Variants in RPTOR observed in about 807,000 individuals in gnomAD.
RPTOR encodes regulatory-associated protein of mTOR.
A neutral mutation model predicts 169.9 loss-of-function variants in RPTOR; 21 were observed. The observed-to-expected ratio is 0.12, with a 90% CI of 0.09 to 0.18. The LOEUF is 0.18. Ranked by LOEUF, RPTOR falls within the 10% of genes least tolerant of loss-of-function variation. The pLI, the probability that RPTOR is intolerant of heterozygous loss-of-function variation, is 1.00. For missense variants in RPTOR, 1,133 were observed against 1,855.9 expected (o/e 0.61, Z 7.16); for synonymous variants, 732 against 753.2 (o/e 0.97, Z 0.46).
chr17:80,551,353 C>T lies in RPTOR; in HGVS notation c.162+5562C>T, dbSNP rs546744408. On this transcript the variant is annotated intron_variant, in intron 1 of 33. Transcript: ENST00000306801. ...CCAGCGTTCAGCATATGGAGGATCC[C>T]GCCAGCCTCAGAGTTCCCTTAGTAT... Among the ~76,000 whole-genome samples the T allele has an allele frequency of 2.3e-3, 346 of 152,208 alleles. 4 individuals are homozygous for T. Among genetic ancestry groups the T allele is most frequent in the African/African-American group, 7.6e-3 (314 of 41,538 alleles).
rs142699196 is a variant in RPTOR, at chr17:80,843,597, A to T, written c.1213-2876A>T. On this transcript the variant is annotated intron_variant, in intron 10 of 33. Transcript: ENST00000306801. ...CCTACAGAGCCGTACAGGGGGGTAG[A>T]ATGTCCCTACAGAGCCGTACAGAGG... Among the ~76,000 whole-genome samples the T allele has an allele frequency of 1.7e-3, 256 of 152,176 alleles. 1 individual carries two copies. Among genetic ancestry groups the T allele is most frequent in the African/African-American group, 6.0e-3 (249 of 41,504 alleles).
chr17:80,844,924 C>T lies in RPTOR; in HGVS notation c.1213-1549C>T, dbSNP rs2067710442. 6.6e-6 allele frequency among the ~76,000 whole-genome samples: 1 copy of T among 151,966 alleles called. No homozygotes were observed. The highest frequency in any genetic ancestry group is 2.1e-4 in the South Asian group (1 of 4,814). On this transcript the variant is annotated intron_variant, in intron 10 of 33. Transcript: ENST00000306801. This position sits in a 1 kb window ranked among gnomAD's most constrained non-coding sequence, Gnocchi z 4.7. Reference sequence around the variant, plus strand: ...CACCCACCTTCCCCCCGAGCAAAATCAAACAACGTAGGGAAGAGAGGATAG... The same window carrying T: ...CACCCACCTTCCCCCCGAGCAAAATTAAACAACGTAGGGAAGAGAGGATAG...
intron 1 of RPTOR, among the ~76,000 whole-genome samples, chr17:80,564,605 C>T (rs8068274): frequency 0.97 from 145,915 of 150,978 alleles, 70,532 homozygotes; most frequent in East Asian, 1. Flanking sequence ...TAGTACCCAA[C>T]AGCTTTTTTT....
chr17:80,854,834 A>G (rs1457322013), intron 11 of RPTOR, among the ~76,000 whole-genome samples: 4 of 152,262 alleles, frequency 2.6e-5, no homozygotes, highest in Non-Finnish European at 5.9e-5. Context: ...TTGAGGCTGC[A>G]GTGAGCCATG....
intron 17 of RPTOR, among the ~76,000 whole-genome samples, chr17:80,890,289 G>A (rs531466792): frequency 2.2e-4 from 34 of 152,348 alleles, no homozygotes; most frequent in Middle Eastern, 3.4e-3. Flanking sequence ...GAAAAAAATC[G>A]GTGCTTTCTG....
Position 80,775,349 on chromosome 17 carries a change from G to A in RPTOR, c.831-16101G>A, listed in dbSNP as rs930515764. Among the ~76,000 whole-genome samples the A allele has an allele frequency of 1.9e-4, 29 of 152,220 alleles. No homozygotes were observed. The South Asian group carries it at 2.1e-3, about 11-fold the overall frequency. On this transcript the variant is annotated intron_variant, in intron 6 of 33. Transcript: ENST00000306801. ...TAGTCTCAAACTCCTGGCCTCAAGC[G>A]ATCCTCTCGCCTCAGCTTTCCAAAG...
chr17:80,568,053 T>A (rs1188533761), intron 1 of RPTOR, among the ~76,000 whole-genome samples: 1 of 151,830 alleles, frequency 6.6e-6, no homozygotes, highest in Non-Finnish European at 1.5e-5. Flanking sequence ...ACTACAGGCA[T>A]GCGCTACTAT....
chr17:80,909,040 A>G (rs1468030), intron 21 of RPTOR, 111 bp downstream of exon 21: 251,518 of 740,206 alleles, frequency 0.34, 43,833 homozygotes, highest in East Asian at 0.49. Flanking sequence ...AGAAAGTAAC[A>G]AAACGAGCTT....
chr17:80,606,180 T>C (rs1345058268), intron 1 of RPTOR, among the ~76,000 whole-genome samples: 1 of 152,034 alleles, frequency 6.6e-6, no homozygotes, highest in Non-Finnish European at 1.5e-5. Context: ...TCCGGCTAAT[T>C]TTTGTATTTT....
At chr17:80,853,980 C>CAA (rs904687630) in intron 11 of RPTOR, among the ~76,000 whole-genome samples, 6 of 109,056 alleles carry the variant, frequency 5.5e-5, no homozygotes, top group Non-Finnish European at 1.2e-4. Flanking sequence ...GACTCTGTCT[C>CAA]AAAAAAAAAA....
intron 32 of RPTOR, 80 bp downstream of exon 32, chr17:80,962,657 GC>G: frequency 7.6e-7 from 1 of 1,321,252 alleles, no homozygotes. Context: ...TTGTGTTCCT[GC>G]CCCCAGGAGC....
intron 25 of RPTOR, 157 bp from the exon 26 acceptor site, chr17:80,945,510 T>C: frequency 4.2e-6 from 2 of 476,216 alleles, no homozygotes; most frequent in Admixed American, 3.8e-5. Flanking sequence ...GAGAATGGTG[T>C]GAACCTGGGA....
intron 19 of RPTOR, 133 bp downstream of exon 19, chr17:80,893,002 A>G (rs1219929058): frequency 9.1e-7 from 1 of 1,102,686 alleles, no homozygotes; most frequent in Non-Finnish European, 1.3e-6. Context: ...CCATCTGCCA[A>G]CATGGTGATG....
At chr17:80,582,031 G>C (rs190122832) in intron 1 of RPTOR, among the ~76,000 whole-genome samples, 97 of 152,314 alleles carry the variant, frequency 6.4e-4, no homozygotes, top group South Asian at 1.2e-3. Flanking sequence ...CTGGGCACTA[G>C]AGAGGGAGAG....
Position 80,829,628 on chromosome 17 carries a change from T to TG in RPTOR, c.1136+6411dup, listed in dbSNP as rs577875750. Among the ~76,000 whole-genome samples, 26 of 152,136 alleles carry TG rather than the reference T, an allele frequency of 1.7e-4. No individual in the cohort carries two copies. In the East Asian group the frequency reaches 5.0e-3, roughly 30 times the overall value. The stretch of plus-strand genomic sequence containing the variant: ...GCCCTCGGTGCCTCGGCTCCCAGCA[T>TG]GGGGGGCGGCCCGTAGACATGGCAG... On this transcript the variant is annotated intron_variant, in intron 9 of 33. Coordinates refer to ENST00000306801, the MANE Select transcript of RPTOR (RefSeq NM_020761.3).
At chr17:80,884,033 G>A (rs2143840594) in intron 16 of RPTOR, 61 bp downstream of exon 16, 1 of 1,551,780 alleles carries the variant, frequency 6.4e-7, no homozygotes, top group Non-Finnish European at 8.7e-7. Context: ...GGGTAAGGCA[G>A]AGGTCTGCTC....
In RPTOR at chr17:80,962,910, C is replaced by A; in HGVS notation, c.3810-18C>A. 1 of 1,613,276 alleles carries A rather than the reference C, an allele frequency of 6.2e-7. No individual in the cohort carries two copies. Among genetic ancestry groups the A allele is most frequent in the Non-Finnish European group, 8.5e-7 (1 of 1,179,830 alleles). Reference sequence around the variant, plus strand: ...AAAGAAGAGGGCAGTGATGCCGGGACCCTTTCTCTCCCCACAGTGGCTCCG... The same window carrying A: ...AAAGAAGAGGGCAGTGATGCCGGGAACCTTTCTCTCCCCACAGTGGCTCCG... On this transcript the variant is annotated intron_variant, in intron 32 of 33. Transcript: ENST00000306801.
intron 1 of RPTOR, chr17:80,593,408 G>A (rs1381332070): frequency 6.5e-6 from 1 of 154,814 alleles, no homozygotes; most frequent in East Asian, 1.9e-4. Context: ...AGTGCGTGCT[G>A]TTACAACACC....
Position 80,730,896 on chromosome 17 carries a change from C to T in RPTOR, c.654+190C>T, listed in dbSNP as rs1044462410. 1.3e-5 allele frequency among the ~76,000 whole-genome samples: 2 copies of T among 152,154 alleles called. No individual in the cohort carries two copies. The highest frequency in any genetic ancestry group is 2.9e-5 in the Non-Finnish European group (2 of 68,032). On this transcript the variant is annotated intron_variant, in intron 5 of 33. Transcript: ENST00000306801. The surrounding 1 kb of genome is among the most constrained non-coding windows in gnomAD (Gnocchi z 4.2). ...CACTCAGCACACTTTATTTTTGAAACATAATCTTGTTCTGTTGCCCAGGCT... is the reference window on the plus strand; with the variant it reads ...CACTCAGCACACTTTATTTTTGAAATATAATCTTGTTCTGTTGCCCAGGCT...
Sources: allele counts gnomAD v4.1 joint callset (sites outside exome capture counted in the v4.1 genomes callset), GRCh38; gene constraint gnomAD v4.1.1; non-coding constraint Gnocchi (gnomAD v3.1); transcripts MANE v1.5; gene names NCBI Gene and HGNC (gene_info 2026-07-23, HGNC 2026-07-21).